Variants in HECTD4 observed in about 807,000 individuals in gnomAD.
HECTD4 encodes probable E3 ubiquitin-protein ligase HECTD4.
HECTD4 carries 114 observed loss-of-function variants against 471.5 expected under a neutral mutation model. The observed-to-expected ratio is 0.24, with a 90% CI of 0.21 to 0.28. HECTD4 has a LOEUF of 0.28. Ranked by LOEUF, HECTD4 falls within the 10% of genes least tolerant of loss-of-function variation. The pLI is 1.00. For missense variants in HECTD4, 3,866 were observed against 5,651.5 expected, an observed-to-expected ratio of 0.68 and a Z score of 10.13; for synonymous variants, 2,012 against 2,256.0, an observed-to-expected ratio of 0.89 and a Z score of 3.07.
chr12:112,353,458 G>A (rs771217546), intron 1 of HECTD4, among the ~76,000 whole-genome samples: 1 of 152,112 alleles, frequency 6.6e-6, no homozygotes, highest in African/African-American at 2.4e-5. Flanking sequence ...AGTCAGCTTC[G>A]TATTGTCTTT....
chr12:112,262,515 CAAAAAAAAAAAAAAAAA>C (rs758273849), intron 17 of HECTD4, among the ~76,000 whole-genome samples: 1 of 19,756 alleles, frequency 5.1e-5, no homozygotes, highest in Admixed American at 8.8e-4. Context: ...GACTCCATCT[CAAAAAAAAAAAAAAAAA>C]AAAAAAAAAA....
chr12:112,218,623 C>T (rs1278789359), intron 45 of HECTD4, among the ~76,000 whole-genome samples: 1 of 152,200 alleles, frequency 6.6e-6, no homozygotes, highest in Non-Finnish European at 1.5e-5. Flanking sequence ...CATTACATGG[C>T]TATTGCATAT....
intron 9 of HECTD4, among the ~76,000 whole-genome samples, chr12:112,276,389 AGAG>A (rs1459156370): frequency 2.0e-5 from 3 of 152,146 alleles, no homozygotes; most frequent in African/African-American, 7.2e-5. Flanking sequence ...GGAGGAAAAA[AGAG>A]GGGGAAAAAA....
At chr12:112,285,560 A>G (rs1030086624) in intron 7 of HECTD4, among the ~76,000 whole-genome samples, 5 of 152,150 alleles carry the variant, frequency 3.3e-5, no homozygotes, top group African/African-American at 7.2e-5. Context: ...ACACGTCCCA[A>G]TGAATGCCAA....
chr12:112,195,713 C>T (rs1261518111), intron 55 of HECTD4, among the ~76,000 whole-genome samples: 2 of 152,262 alleles, frequency 1.3e-5, no homozygotes, highest in East Asian at 3.9e-4. Flanking sequence ...ATAATAAAAA[C>T]CACTGACTTG....
At chr12:112,283,955 C>CTTTTTTTT (rs746498265) in intron 7 of HECTD4, among the ~76,000 whole-genome samples, 5 of 135,556 alleles carry the variant, frequency 3.7e-5, no homozygotes, top group Non-Finnish European at 4.8e-5. Flanking sequence ...CTTCTTTCTT[C>CTTTTTTTT]TTTTTTTTTT....
chr12:112,163,839 A>C lies in HECTD4; in HGVS notation c.12702-102T>G. 8.8e-7 allele frequency: 1 copy of C among 1,136,482 alleles called. No homozygotes were observed. Among genetic ancestry groups the C allele is most frequent in the Non-Finnish European group, 1.2e-6 (1 of 847,346 alleles). The allele number at this position is 1,136,482 out of a possible 1,614,324, so 70.4% of individuals were successfully genotyped here. On this transcript the variant is annotated intron_variant, in intron 73 of 75. Coordinates refer to ENST00000682272, the MANE Select transcript of HECTD4 (RefSeq NM_001388303.1). This position sits in a 1 kb window ranked among gnomAD's most constrained non-coding sequence, Gnocchi z 8.2. ...GAGGTCCCGGATCCTCTCTTGGGAG[A>C]GGCCTGGGGCCCAGCCGCCCTGGTC...
intron 60 of HECTD4, among the ~76,000 whole-genome samples, chr12:112,187,424 G>A (rs2031913394): frequency 6.6e-6 from 1 of 151,780 alleles, no homozygotes; most frequent in African/African-American, 2.4e-5. Context: ...GATTGATTGA[G>A]ACAGGGTCTC....
rs576137915 is a variant in HECTD4 at position 112,246,482 on chromosome 12, A to C, written c.4513+419T>G. ...AACCCCGTCTCTACCAAAAATACAA[A>C]AATTAGACAGGCATGGTGGCATGCG... On this transcript the variant is annotated intron_variant, in intron 29 of 75. Coordinates refer to ENST00000682272, the MANE Select transcript of HECTD4 (RefSeq NM_001388303.1). 3.5e-4 allele frequency among the ~76,000 whole-genome samples: 54 copies of C among 152,168 alleles called. 1 individual carries two copies. In the South Asian group the frequency reaches 0.01, roughly 29 times the overall value.
At chr12:112,326,420 G>C (rs1363951948) in intron 1 of HECTD4, among the ~76,000 whole-genome samples, 1 of 152,130 alleles carries the variant, frequency 6.6e-6, no homozygotes, top group Non-Finnish European at 1.5e-5. Flanking sequence ...TTAAGCCCAG[G>C]AGTTCAAGGC....
chr12:112,163,846 G>A lies in HECTD4; in HGVS notation c.12702-109C>T. Reference sequence around the variant, plus strand: ...CGGATCCTCTCTTGGGAGAGGCCTGGGGCCCAGCCGCCCTGGTCATCCCAG... The same window carrying A: ...CGGATCCTCTCTTGGGAGAGGCCTGAGGCCCAGCCGCCCTGGTCATCCCAG... On this transcript the variant is annotated intron_variant, in intron 73 of 75. Coordinates refer to ENST00000682272, the MANE Select transcript of HECTD4 (RefSeq NM_001388303.1). This position sits in a 1 kb window ranked among gnomAD's most constrained non-coding sequence, Gnocchi z 8.2. 1 of 1,064,770 alleles carries A rather than the reference G, an allele frequency of 9.4e-7. No homozygotes were observed. The highest frequency in any genetic ancestry group is 2.0e-5 in the South Asian group (1 of 49,098). The allele number at this position is 1,064,770 out of a possible 1,614,324, so 66.0% of individuals were successfully genotyped here.
chr12:112,223,855 T>C (rs191460239), intron 44 of HECTD4, among the ~76,000 whole-genome samples: 1 of 152,220 alleles, frequency 6.6e-6, no homozygotes, highest in African/African-American at 2.4e-5. Context: ...ATGGCCAAGT[T>C]TGCCACTTAA....
rs184562165 is a variant in HECTD4, at chr12:112,173,685, C to A, written c.11595-824G>T. Among the ~76,000 whole-genome samples the A allele has an allele frequency of 6.6e-6, 1 of 151,830 alleles. No individual in the cohort carries two copies. The stretch of plus-strand genomic sequence containing the variant: ...CTGCGATTACAGGCGTGAGCCAATG[C>A]GCCCGGCCAATTTTTAATTTTTTTT... On this transcript the variant is annotated intron_variant, in intron 66 of 75. Coordinates refer to ENST00000682272, the MANE Select transcript of HECTD4 (RefSeq NM_001388303.1). The surrounding 1 kb of genome is among the most constrained non-coding windows in gnomAD (Gnocchi z 4.3).
chr12:112,321,541 A>G (rs996709387), intron 1 of HECTD4, among the ~76,000 whole-genome samples: 1 of 152,224 alleles, frequency 6.6e-6, no homozygotes, highest in African/African-American at 2.4e-5. Flanking sequence ...ACAAAAGTAA[A>G]GAAAATTCTG....
At chr12:112,309,781 C>T in intron 4 of HECTD4, 112 bp from the exon 5 acceptor site, 1 of 547,738 alleles carries the variant, frequency 1.8e-6, no homozygotes, top group Non-Finnish European at 3.1e-6. Flanking sequence ...GATTACTTCT[C>T]ACTTCTAAAA....
intron 23 of HECTD4, among the ~76,000 whole-genome samples, chr12:112,251,872 A>G (rs893081495): frequency 4.5e-4 from 69 of 152,148 alleles, no homozygotes; most frequent in African/African-American, 1.6e-3. Flanking sequence ...TCCTGGTTCA[A>G]GCGATTCTCC....
chr12:112,179,107 A>G lies in HECTD4; in HGVS notation c.11212-25T>C. On this transcript the variant is annotated intron_variant, in intron 63 of 75. Coordinates refer to ENST00000682272, the MANE Select transcript of HECTD4 (RefSeq NM_001388303.1). This position sits in a 1 kb window ranked among gnomAD's most constrained non-coding sequence, Gnocchi z 4.3. ...TCTGTGGAGCACAGAGGCAGCGGGG[A>G]GGCTCTCAGGTTCGCCCTGCAGGGC... The G allele has an allele frequency of 1.9e-6, 3 of 1,613,734 alleles. No individual in the cohort carries two copies. Among genetic ancestry groups the G allele is most frequent in the Non-Finnish European group, 1.7e-6 (2 of 1,179,820 alleles).
intron 70 of HECTD4, among the ~76,000 whole-genome samples, chr12:112,168,413 T>C (rs1236468125): frequency 6.6e-6 from 1 of 152,200 alleles, no homozygotes; most frequent in African/African-American, 2.4e-5. Context: ...TGTGTGAATG[T>C]GCAAAGGGCA....
chr12:112,212,263 G>A (rs2032785898), intron 49 of HECTD4, among the ~76,000 whole-genome samples: 2 of 152,168 alleles, frequency 1.3e-5, no homozygotes, highest in South Asian at 4.1e-4. Flanking sequence ...AAATGTCAAG[G>A]CAATGAAGCA....
Sources: allele counts gnomAD v4.1 joint callset (sites outside exome capture counted in the v4.1 genomes callset), GRCh38; gene constraint gnomAD v4.1.1; non-coding constraint Gnocchi (gnomAD v3.1); transcripts MANE v1.5; gene names NCBI Gene and HGNC (gene_info 2026-07-23, HGNC 2026-07-21).